Variants in UQCC1 observed in about 807,000 individuals in gnomAD.
The protein encoded by UQCC1 is bFGF-repressed Zic-binding protein.
UQCC1 carries 38 observed loss-of-function variants against 48.0 expected under a neutral mutation model. The observed-to-expected ratio is 0.79, with a 90% CI of 0.61 to 1.04. UQCC1 has a LOEUF of 1.04. Among genes scored for constraint, UQCC1 ranks in the 50% least tolerant of loss-of-function variants. UQCC1 has a pLI of 0.00. For synonymous variants in UQCC1, 111 were observed against 129.2 expected (o/e 0.86, Z 0.95); for missense variants, 368 against 381.8 (o/e 0.96, Z 0.30).
At chr20:35,385,195 G>A (rs1453593611) in intron 2 of UQCC1, among the ~76,000 whole-genome samples, 1 of 152,162 alleles carries the variant, frequency 6.6e-6, no homozygotes, top group African/African-American at 2.4e-5. Flanking sequence ...CTCAGTTGCA[G>A]TAAGGATGAA....
intron 6 of UQCC1, among the ~76,000 whole-genome samples, chr20:35,363,718 G>A (rs1217618062): frequency 1.3e-5 from 2 of 151,996 alleles, no homozygotes; most frequent in African/African-American, 4.8e-5. Flanking sequence ...TTTGTTTGGC[G>A]GAGGAGGCAT....
At chr20:35,328,653 T>C (rs886731647) in intron 7 of UQCC1, among the ~76,000 whole-genome samples, 1 of 152,114 alleles carries the variant, frequency 6.6e-6, no homozygotes, top group Non-Finnish European at 1.5e-5. Flanking sequence ...TGATACTGCA[T>C]TGGAAAGGAG....
At chr20:35,308,363 A>G (rs2060950915) in intron 8 of UQCC1, among the ~76,000 whole-genome samples, 1 of 152,266 alleles carries the variant, frequency 6.6e-6, no homozygotes, top group Admixed American at 6.5e-5. Context: ...TTGCTAGCAC[A>G]ACAGCGTGCC....
At chr20:35,403,012 A>C (rs1316518389) in intron 1 of UQCC1, among the ~76,000 whole-genome samples, 2 of 151,520 alleles carry the variant, frequency 1.3e-5, no homozygotes, top group African/African-American at 4.9e-5. Context: ...GGTTGCAGTG[A>C]CCTGAGATCG....
intron 4 of UQCC1, among the ~76,000 whole-genome samples, chr20:35,377,857 A>T (rs2061820439): frequency 6.6e-6 from 1 of 152,200 alleles, no homozygotes; most frequent in Non-Finnish European, 1.5e-5. Context: ...TGAAGACTTC[A>T]CCAGATTGGC....
intron 7 of UQCC1, among the ~76,000 whole-genome samples, chr20:35,323,527 ATTTAT>A (rs753143053): frequency 6.6e-5 from 10 of 152,184 alleles, no homozygotes; most frequent in Non-Finnish European, 1.2e-4. Flanking sequence ...TTCTCCCCTC[ATTTAT>A]TTTAATAGTC....
Position 35,394,174 on chromosome 20 carries a change from T to C in UQCC1, c.47A>G (p.Gln16Arg), listed in dbSNP as rs984377958. The C allele has an allele frequency of 5.6e-6, 9 of 1,613,946 alleles. No individual in the cohort carries two copies. Among genetic ancestry groups the C allele is most frequent in the African/African-American group, 4.0e-5 (3 of 74,916 alleles). The stretch of plus-strand genomic sequence containing the variant: ...CAATCGGCTGCATACTGGAACCCAC[T>C]GAGAAATGCTAGTCTGGTTCCTCTA... Reference protein sequence around the residue: ...RVLRNQTSISQWVPVCSRLIP... With the variant: ...RVLRNQTSISRWVPVCSRLIP... The change falls in exon 2 of 10, where the codon CAG becomes CGG. Residue 16 changes from glutamine (Q) to arginine (R), a missense_variant. By Grantham distance (43) the Gln-to-Arg change is conservative. Transcript: ENST00000374385.
intron 7 of UQCC1, among the ~76,000 whole-genome samples, chr20:35,335,628 T>C (rs1253981965): frequency 6.6e-6 from 1 of 152,160 alleles, no homozygotes; most frequent in Admixed American, 6.5e-5. Context: ...GGTCAATCCA[T>C]AGAAACAGAA....
chr20:35,303,919 C>T lies in UQCC1; in HGVS notation c.*16G>A, dbSNP rs199925643. 3.7e-6 allele frequency: 6 copies of T among 1,613,980 alleles called. No homozygotes were observed. Among genetic ancestry groups the T allele is most frequent in the Non-Finnish European group, 5.1e-6 (6 of 1,179,982 alleles). ...CCTCGAAGCCAGCTGGCGGGCCGTG[C>T]GGAGGGCCCAGCCCATCAAAGTCCC... On this transcript the variant is annotated 3_prime_UTR_variant, in exon 10 of 10. Coordinates refer to ENST00000374385, the MANE Select transcript of UQCC1 (RefSeq NM_018244.5).
intron 1 of UQCC1, among the ~76,000 whole-genome samples, chr20:35,411,376 A>C (rs1330342036): frequency 1.4e-3 from 212 of 152,322 alleles, no homozygotes; most frequent in Non-Finnish European, 2.7e-3. Flanking sequence ...AGGCAAAGTG[A>C]AAACGACGGA....
At chr20:35,329,153 C>T (rs577434544) in intron 7 of UQCC1, among the ~76,000 whole-genome samples, 3 of 152,320 alleles carry the variant, frequency 2.0e-5, no homozygotes, top group Admixed American at 1.3e-4. Flanking sequence ...GGAGCTGAGG[C>T]TACAGCAGTA....
At chr20:35,388,825 G>A (rs986273266) in intron 2 of UQCC1, among the ~76,000 whole-genome samples, 1 of 152,196 alleles carries the variant, frequency 6.6e-6, no homozygotes, top group Non-Finnish European at 1.5e-5. Context: ...AATACTTTGG[G>A]AGGCTGAGGC....
At chr20:35,344,137 CAATT>C (rs1162360376) in intron 7 of UQCC1, 1 of 152,158 alleles carries the variant, frequency 6.6e-6, no homozygotes, top group East Asian at 1.9e-4. Context: ...ATTTATTTGA[CAATT>C]ATTTATTCAT....
chr20:35,312,479 T>C (rs888183842), intron 8 of UQCC1, among the ~76,000 whole-genome samples: 3 of 152,078 alleles, frequency 2.0e-5, no homozygotes, highest in Non-Finnish European at 2.9e-5. Context: ...ACAGTAGGCA[T>C]TGCACTACCC....
At chr20:35,331,631 T>C (rs1166959445) in intron 7 of UQCC1, among the ~76,000 whole-genome samples, 1 of 152,174 alleles carries the variant, frequency 6.6e-6, no homozygotes, top group East Asian at 1.9e-4. Context: ...CAGGCACAGA[T>C]GGAGAAACTA....
chr20:35,315,710 G>A (rs1472879937), intron 7 of UQCC1, among the ~76,000 whole-genome samples: 2 of 152,192 alleles, frequency 1.3e-5, no homozygotes, highest in South Asian at 2.1e-4. Flanking sequence ...GCAACATGGC[G>A]AAACCCCATC....
chr20:35,366,931 T>C (rs1348196594), intron 5 of UQCC1, among the ~76,000 whole-genome samples: 1 of 151,472 alleles, frequency 6.6e-6, no homozygotes, highest in East Asian at 1.9e-4. Context: ...CCATCTCTAC[T>C]AAAAATACAA....
chr20:35,408,575 G>A (rs1468604767), intron 1 of UQCC1, among the ~76,000 whole-genome samples: 1 of 152,110 alleles, frequency 6.6e-6, no homozygotes, highest in Non-Finnish European at 1.5e-5. Context: ...TAAACAGGCT[G>A]GACATAGTGG....
At chr20:35,405,780 C>G (rs2146545600) in intron 1 of UQCC1, among the ~76,000 whole-genome samples, 1 of 152,264 alleles carries the variant, frequency 6.6e-6, no homozygotes, top group East Asian at 1.9e-4. Context: ...CCCAGCTACT[C>G]AGAAGGCTGA....
Sources: allele counts gnomAD v4.1 joint callset (sites outside exome capture counted in the v4.1 genomes callset), GRCh38; gene constraint gnomAD v4.1.1; transcripts MANE v1.5; gene names NCBI Gene and HGNC (gene_info 2026-07-23, HGNC 2026-07-21).